The following NUFIP2 variants were observed in gnomAD, a reference collection of about 807,000 sequenced individuals.
NUFIP2 encodes FMR1-interacting protein NUFIP2.
Under a neutral mutation model 56.9 loss-of-function variants are expected in NUFIP2, and 6 were observed. That is an observed-to-expected ratio of 0.11 (90% CI 0.06 to 0.21). The LOEUF (loss-of-function observed/expected upper bound fraction) is 0.21, where lower values mean the gene tolerates loss of function less well. NUFIP2 is among the 10% of genes least tolerant of loss of function. The probability of loss-of-function intolerance (pLI) is 1.00; values close to 1 mark genes in which losing one functional copy is unlikely to be tolerated. For synonymous variants in NUFIP2, 321 were observed against 298.2 expected, an observed-to-expected ratio of 1.08 and a Z score of -0.79; for missense variants, 828 against 826.8, an observed-to-expected ratio of 1.00 and a Z score of -0.02.
intron 2 of NUFIP2, among the ~76,000 whole-genome samples, chr17:29,280,217 T>C (rs915077043): frequency 2.6e-5 from 4 of 152,228 alleles, no homozygotes; most frequent in African/African-American, 7.2e-5. Context: ...CCAGTTTAAA[T>C]TGGCACTGTG....
In NUFIP2 at chr17:29,261,638, A is replaced by C. The variant is rs1193783982; in HGVS notation, c.*2901T>G. 1.3e-5 allele frequency: 2 copies of C among 152,116 alleles called. No homozygotes were observed. The highest frequency in any genetic ancestry group is 2.9e-5 in the Non-Finnish European group (2 of 67,862). The allele number at this position is 152,116 out of a possible 1,614,324, so 9.4% of individuals were successfully genotyped here. Reference sequence around the variant, plus strand: ...ATCAGAAAACAGATCAACTCTTAAGATTTTTTTTTAATAAGTGCTCTGTAA... The same window carrying C: ...ATCAGAAAACAGATCAACTCTTAAGCTTTTTTTTTAATAAGTGCTCTGTAA... On this transcript the variant is annotated 3_prime_UTR_variant, in exon 4 of 4. Transcript: ENST00000225388.
intron 2 of NUFIP2, among the ~76,000 whole-genome samples, chr17:29,275,155 G>A (rs1345990044): frequency 6.6e-6 from 1 of 151,882 alleles, no homozygotes; most frequent in Non-Finnish European, 1.5e-5. Flanking sequence ...CAAGCAGCTG[G>A]GATTATAGGC....
In NUFIP2 at chr17:29,264,476, T is replaced by C. The variant is rs1426614446; in HGVS notation, c.*63A>G. Reference sequence around the variant, plus strand: ...TGAAGATCTAGGAGCATAAAAGCCTTGTGTCCCCCATGAACGATGGCTCTA... The same window carrying C: ...TGAAGATCTAGGAGCATAAAAGCCTCGTGTCCCCCATGAACGATGGCTCTA... On this transcript the variant is annotated 3_prime_UTR_variant, in exon 4 of 4. Coordinates refer to ENST00000225388, the MANE Select transcript of NUFIP2 (RefSeq NM_020772.3). 7 of 1,111,098 alleles carry C rather than the reference T, an allele frequency of 6.3e-6. No homozygotes were observed. In the East Asian group the frequency reaches 1.2e-4, roughly 19 times the overall value. The allele number at this position is 1,111,098 out of a possible 1,614,324, so 68.8% of individuals were successfully genotyped here.
At chr17:29,271,404 G>A (rs771713610) in intron 2 of NUFIP2, among the ~76,000 whole-genome samples, 3 of 152,018 alleles carry the variant, frequency 2.0e-5, no homozygotes, top group Non-Finnish European at 4.4e-5. Context: ...ACGCATGGTG[G>A]TGCACGCCTG....
Position 29,286,283 on chromosome 17 carries a change from T to C in NUFIP2, c.1711A>G (p.Thr571Ala), listed in dbSNP as rs1005265199. 1 of 1,614,186 alleles carries C rather than the reference T, an allele frequency of 6.2e-7. No individual in the cohort carries two copies. Residue 571 changes from threonine (T) to alanine (A), a missense_variant, in exon 2 of 4, where the codon ACT (threonine) becomes GCT (alanine). Transcript: ENST00000225388. ...ATGCTACCCAGAACTTGAGGACTAG[T>C]CCGTTTCTCCAGCTCGTAAGCCTTG... ...FPKAYELEKR[T>A]SPQVLGSILK... is the part of the protein sequence containing the mutation.
chr17:29,259,617 T>A lies in NUFIP2; in HGVS notation c.*4922A>T, dbSNP rs1176416622. ...GGGGGGGGGGGATACTGCAGTATTA[T>A]AAAATGGCTTTAGAACTCTGCACAT... On this transcript the variant is annotated 3_prime_UTR_variant, in exon 4 of 4. Transcript: ENST00000225388. The A allele has an allele frequency of 1.4e-5, 2 of 137,976 alleles. No individual in the cohort carries two copies. The highest frequency in any genetic ancestry group is 7.5e-5 in the Admixed American group (1 of 13,404). 8.5% of individuals were successfully genotyped at this position (137,976 alleles called of 1,614,324 possible).
intron 2 of NUFIP2, among the ~76,000 whole-genome samples, chr17:29,285,290 ACT>A (rs1409539025): frequency 2.7e-5 from 4 of 150,132 alleles, no homozygotes; most frequent in East Asian, 2.0e-4. Context: ...AGAGAGTGAG[ACT>A]CTGTCTCAAA....
At chr17:29,289,773 G>GA (rs1036974570) in intron 1 of NUFIP2, among the ~76,000 whole-genome samples, 2 of 151,632 alleles carry the variant, frequency 1.3e-5, no homozygotes, top group African/African-American at 4.8e-5. Flanking sequence ...TTCTACATTA[G>GA]AAAAAAAAGT....
chr17:29,269,846 G>A (rs947007974), intron 2 of NUFIP2, among the ~76,000 whole-genome samples: 4 of 151,884 alleles, frequency 2.6e-5, no homozygotes, highest in African/African-American at 7.3e-5. Flanking sequence ...TCAGCTTCCC[G>A]AGTAACTGGG....
At position 29,256,641 on chromosome 17, in the gene NUFIP2, TC is replaced by T. The variant is rs2068972702; in HGVS notation, c.*7897del. The T allele has an allele frequency of 6.6e-6, 1 of 151,488 alleles. No homozygotes were observed. Among genetic ancestry groups the T allele is most frequent in the African/African-American group, 2.4e-5 (1 of 41,204 alleles). 9.4% of individuals were successfully genotyped at this position (151,488 alleles called of 1,614,324 possible). A position where few individuals can be genotyped will look rare whatever the true frequency, so the allele number is the denominator to read the frequency against. On this transcript the variant is annotated 3_prime_UTR_variant, in exon 4 of 4. Transcript: ENST00000225388. ...TCTTCTACTTAAACATATTAGCCTC[TC>T]CTACAAAGGTCCTGAACCAATTAAA...
At chr17:29,266,062 T>C (rs1354022008) in intron 3 of NUFIP2, among the ~76,000 whole-genome samples, 1 of 152,156 alleles carries the variant, frequency 6.6e-6, no homozygotes, top group Non-Finnish European at 1.5e-5. Context: ...CCTCCATCTC[T>C]TGTGTTCAAG....
intron 1 of NUFIP2, among the ~76,000 whole-genome samples, chr17:29,293,024 G>T (rs1333401596): frequency 1.3e-5 from 2 of 151,394 alleles, no homozygotes; most frequent in East Asian, 3.9e-4. Flanking sequence ...CTCCTCAGTG[G>T]GCCGGAGTCG....
Position 29,294,070 on chromosome 17 carries a change from T to A in NUFIP2, c.-11A>T. On this transcript the variant is annotated 5_prime_UTR_variant, in exon 1 of 4. Coordinates refer to ENST00000225388, the MANE Select transcript of NUFIP2 (RefSeq NM_020772.3). The stretch of plus-strand genomic sequence containing the variant: ...GGGCTTCTCCTCCATTGAAAGCGGC[T>A]GGGACTCCCTGGCTGAGGCTGCGGG... The A allele has an allele frequency of 1.9e-6, 3 of 1,584,566 alleles. No homozygotes were observed. The highest frequency in any genetic ancestry group is 4.5e-5 in the East Asian group (2 of 44,612).
chr17:29,293,169 G>A (rs1414178971), intron 1 of NUFIP2, among the ~76,000 whole-genome samples: 2 of 151,666 alleles, frequency 1.3e-5, no homozygotes, highest in African/African-American at 4.8e-5. Context: ...ACAAGACTGC[G>A]GGGTCCGGCG....
chr17:29,271,999 G>GGA (rs1301929144), intron 2 of NUFIP2, among the ~76,000 whole-genome samples: 1 of 143,242 alleles, frequency 7.0e-6, no homozygotes, highest in Non-Finnish European at 1.5e-5. Context: ...CTTGAACCCG[G>GGA]GAGGCAGAGA....
At chr17:29,284,001 G>GT (rs2069155609) in intron 2 of NUFIP2, among the ~76,000 whole-genome samples, 1 of 152,218 alleles carries the variant, frequency 6.6e-6, no homozygotes, top group African/African-American at 2.4e-5. Context: ...CCAGCTTGCA[G>GT]ATAAGGAAAC....
At chr17:29,274,851 G>GA (rs1319482375) in intron 2 of NUFIP2, among the ~76,000 whole-genome samples, 1 of 151,692 alleles carries the variant, frequency 6.6e-6, no homozygotes, top group Non-Finnish European at 1.5e-5. Flanking sequence ...AGATAGAAAA[G>GA]AAAAAAATGG....
intron 2 of NUFIP2, among the ~76,000 whole-genome samples, chr17:29,282,146 C>T (rs16964981): frequency 0.11 from 16,983 of 151,996 alleles, 1,086 homozygotes; most frequent in East Asian, 0.3. Flanking sequence ...ATCCATAGTA[C>T]GCTTAAGGTT....
At position 29,260,123 on chromosome 17, in the gene NUFIP2, G is replaced by T. The variant is rs1413223449; in HGVS notation, c.*4416C>A. 1.3e-5 allele frequency: 2 copies of T among 152,204 alleles called. No homozygotes were observed. The highest frequency in any genetic ancestry group is 2.9e-5 in the Non-Finnish European group (2 of 68,042). 9.4% of individuals were successfully genotyped at this position (152,204 alleles called of 1,614,324 possible). Reference sequence around the variant, plus strand: ...ATGTGCCTCTGGCAAACCTAAAGCAGCTATTTATGCTTCTAGTCTTTTCCT... The same window carrying T: ...ATGTGCCTCTGGCAAACCTAAAGCATCTATTTATGCTTCTAGTCTTTTCCT... On this transcript the variant is annotated 3_prime_UTR_variant, in exon 4 of 4. Transcript: ENST00000225388.
Sources: gnomAD v4.1 joint callset for allele counts (sites outside exome capture counted in the v4.1 genomes callset) on GRCh38, gnomAD v4.1.1 for gene constraint, MANE v1.5 for transcripts, NCBI Gene and HGNC (gene_info 2026-07-23, HGNC 2026-07-21) for gene names.